KCNMA1: variants seen among roughly 807,000 people sequenced by gnomAD.
KCNMA1 encodes the protein potassium calcium-activated channel subfamily M alpha 1.
Under a neutral mutation model 140.0 loss-of-function variants are expected in KCNMA1, and 29 were observed. The ratio of observed to expected loss-of-function variants is 0.21; its 90% CI spans 0.15 to 0.28. KCNMA1 has a LOEUF of 0.28. KCNMA1 is among the 10% of genes least tolerant of loss of function. The pLI is 1.00. For missense variants in KCNMA1, 880 were observed against 1,602.2 expected (o/e 0.55, Z 7.70); for synonymous variants, 612 against 611.9 (o/e 1.00, Z 0.00).
At chr10:76,963,510 A>G (rs2072560534) in intron 20 of KCNMA1, among the ~76,000 whole-genome samples, 1 of 152,148 alleles carries the variant, frequency 6.6e-6, no homozygotes, top group Admixed American at 6.5e-5. Flanking sequence ...CACAGATTAT[A>G]AGGCTGTAGT....
rs543418283 is a variant in KCNMA1 at position 77,048,392 on chromosome 10, T to C, written c.1750-8755A>G. Among the ~76,000 whole-genome samples the C allele has an allele frequency of 3.9e-5, 6 of 152,298 alleles. No individual in the cohort carries two copies. The South Asian group carries it at 1.2e-3, about 32-fold the overall frequency. On this transcript the variant is annotated intron_variant, in intron 14 of 27. Transcript: ENST00000286628. ...TCTGTCTTAAAAATCTGACTTCCCA[T>C]AATTTCCCCTGCTTCAGAAAAGCAG...
chr10:77,234,413 C>A (rs975977610), intron 3 of KCNMA1, among the ~76,000 whole-genome samples: 1 of 152,148 alleles, frequency 6.6e-6, no homozygotes, highest in Non-Finnish European at 1.5e-5. Context: ...CTGTCTCTTT[C>A]TGATACTGGA....
chr10:77,281,071 G>A (rs141732358), intron 2 of KCNMA1, among the ~76,000 whole-genome samples: 402 of 143,512 alleles, frequency 2.8e-3, no homozygotes, highest in African/African-American at 9.2e-3. Flanking sequence ...GTAGATCTCC[G>A]AACACAAATT....
At chr10:77,415,664 G>GC (rs1235708877) in intron 1 of KCNMA1, among the ~76,000 whole-genome samples, 3 of 152,248 alleles carry the variant, frequency 2.0e-5, no homozygotes, top group African/African-American at 7.2e-5. Flanking sequence ...GGAGCCCATT[G>GC]CCATCCTGTA....
chr10:77,230,026 G>A (rs2053043792), intron 3 of KCNMA1, among the ~76,000 whole-genome samples: 1 of 152,102 alleles, frequency 6.6e-6, no homozygotes, highest in African/African-American at 2.4e-5. Flanking sequence ...ATAGCCAAAA[G>A]GTAGAAACAA....
intron 19 of KCNMA1, chr10:76,970,328 A>AT: frequency 1.5e-5 from 2 of 130,516 alleles, no homozygotes; most frequent in Non-Finnish European, 1.4e-5. Flanking sequence ...CCCTGCCATA[A>AT]GAAAAAAAAA....
At chr10:77,402,584 A>G (rs42455) in intron 2 of KCNMA1, among the ~76,000 whole-genome samples, 74,986 of 151,992 alleles carry the variant, frequency 0.49, 19,838 homozygotes, top group Middle Eastern at 0.6. Flanking sequence ...CTCAAGCACC[A>G]CGTTCATTCT....
intron 18 of KCNMA1, 87 bp from the exon 19 acceptor site, chr10:77,001,667 AAGGGATTTAACAC>A (rs2153412320): frequency 9.1e-7 from 1 of 1,104,710 alleles, no homozygotes; most frequent in East Asian, 2.6e-5. Context: ...AAGGGAGCTG[AAGGGATTTAACAC>A]AGGTCTTAGT....
intron 1 of KCNMA1, among the ~76,000 whole-genome samples, chr10:77,482,708 C>A (rs2098412427): frequency 6.6e-6 from 1 of 152,164 alleles, no homozygotes; most frequent in South Asian, 2.1e-4. Context: ...AGCTGGGAGC[C>A]AAGAGTCCTT....
intron 2 of KCNMA1, among the ~76,000 whole-genome samples, chr10:77,317,492 GT>G (rs2081192829): frequency 6.6e-6 from 1 of 152,234 alleles, no homozygotes; most frequent in Non-Finnish European, 1.5e-5. Context: ...TGGAGGATTA[GT>G]TGGGGAGAGA....
At chr10:77,268,670 C>T (rs1407376242) in intron 2 of KCNMA1, among the ~76,000 whole-genome samples, 1 of 152,104 alleles carries the variant, frequency 6.6e-6, no homozygotes, top group Non-Finnish European at 1.5e-5. Flanking sequence ...CCTCTGATCC[C>T]ATACTGAACT....
At chr10:77,284,497 C>A (rs1051125342) in intron 2 of KCNMA1, among the ~76,000 whole-genome samples, 9 of 151,972 alleles carry the variant, frequency 5.9e-5, no homozygotes, top group Non-Finnish European at 1.3e-4. Flanking sequence ...TCAGGGGAGA[C>A]TCTGTTGTTG....
intron 1 of KCNMA1, among the ~76,000 whole-genome samples, chr10:77,537,154 CTG>C (rs775489306): frequency 6.6e-6 from 1 of 152,212 alleles, no homozygotes; most frequent in Non-Finnish European, 1.5e-5. Flanking sequence ...CAGACAGGAA[CTG>C]TGTCACCTAA....
chr10:76,900,112 A>T (rs1350651452), intron 25 of KCNMA1, among the ~76,000 whole-genome samples: 1 of 150,798 alleles, frequency 6.6e-6, no homozygotes, highest in Non-Finnish European at 1.5e-5. Context: ...GTTTTCAATT[A>T]TCATATGTTT....
chr10:77,514,988 C>T (rs2154549205), intron 1 of KCNMA1, among the ~76,000 whole-genome samples: 1 of 152,250 alleles, frequency 6.6e-6, no homozygotes, highest in East Asian at 1.9e-4. Context: ...GTCCAGCTGT[C>T]CTGCAGCAGA....
intron 1 of KCNMA1, among the ~76,000 whole-genome samples, chr10:77,520,722 G>A (rs1023810537): frequency 1.3e-5 from 2 of 152,068 alleles, no homozygotes; most frequent in African/African-American, 4.8e-5. Context: ...CTGGATGGTA[G>A]GCTCACCCCA....
intron 2 of KCNMA1, among the ~76,000 whole-genome samples, chr10:77,282,106 TTAGTAAC>T (rs953701351): frequency 6.6e-6 from 1 of 152,230 alleles, no homozygotes; most frequent in Admixed American, 6.5e-5. Flanking sequence ...AATTTTATTT[TTAGTAAC>T]TATCACTTAG....
At chr10:77,134,145 T>C (rs1445232269) in intron 5 of KCNMA1, among the ~76,000 whole-genome samples, 1 of 152,144 alleles carries the variant, frequency 6.6e-6, no homozygotes, top group Non-Finnish European at 1.5e-5. Context: ...TAGGTATATA[T>C]TATTAGCCCT....
intron 21 of KCNMA1, 172 bp from the exon 22 acceptor site, chr10:76,949,538 T>C (rs1405613943): frequency 3.0e-6 from 2 of 664,410 alleles, no homozygotes; most frequent in Non-Finnish European, 2.7e-6. Context: ...AGCTATAATT[T>C]GAGCACGTGT....
Sources: gnomAD v4.1 joint callset for allele counts (sites outside exome capture counted in the v4.1 genomes callset) on GRCh38, gnomAD v4.1.1 for gene constraint, MANE v1.5 for transcripts, NCBI Gene and HGNC (gene_info 2026-07-23, HGNC 2026-07-21) for gene names.